Variants in SLC14A2 observed in about 807,000 individuals in gnomAD.
SLC14A2 encodes solute carrier family 14 member 2, also known as urea transporter 2.
In SLC14A2, 91 loss-of-function variants were observed where a neutral mutation model predicts 104.6. The observed-to-expected ratio is 0.87, with a 90% CI of 0.73 to 1.04. The LOEUF (loss-of-function observed/expected upper bound fraction) is 1.04. Among genes scored for constraint, SLC14A2 ranks in the 50% least tolerant of loss-of-function variants. The probability of loss-of-function intolerance (pLI) is 0.00; values close to 1 mark genes in which losing one functional copy is unlikely to be tolerated. For synonymous variants in SLC14A2, 476 were observed against 466.4 expected (o/e 1.02, Z -0.27); for missense variants, 1,189 against 1,156.0 (o/e 1.03, Z -0.41).
intron 1 of SLC14A2, among the ~76,000 whole-genome samples, chr18:45,237,703 C>T (rs1264936649): frequency 6.6e-6 from 1 of 152,180 alleles, no homozygotes; most frequent in African/African-American, 2.4e-5. Flanking sequence ...TTCTGAAATG[C>T]TGAGAACTCT....
the SLC14A2 span, among the ~76,000 whole-genome samples, chr18:45,205,746 C>T: frequency 6.6e-6 from 1 of 152,160 alleles, no homozygotes; most frequent in Non-Finnish European, 1.5e-5. Context: ...AGTACAAGGC[C>T]TTACAGAATG....
chr18:45,477,119 A>G (rs1358460327), intron 1 of SLC14A2, among the ~76,000 whole-genome samples: 6 of 152,004 alleles, frequency 3.9e-5, no homozygotes. Flanking sequence ...TCATGGATTT[A>G]TCTACTTTTG....
At chr18:45,564,404 T>TGC (rs2044240651) in intron 2 of SLC14A2, among the ~76,000 whole-genome samples, 1 of 152,212 alleles carries the variant, frequency 6.6e-6, no homozygotes, top group Admixed American at 6.5e-5. Flanking sequence ...TGCATCCCTT[T>TGC]CATGGCACAA....
At chr18:45,245,114 C>A (rs953094968) in intron 1 of SLC14A2, among the ~76,000 whole-genome samples, 2 of 152,196 alleles carry the variant, frequency 1.3e-5, no homozygotes, top group Non-Finnish European at 2.9e-5. Context: ...CCATCCTAAC[C>A]TTTTCCTGCA....
intron 2 of SLC14A2, among the ~76,000 whole-genome samples, chr18:45,502,663 G>A (rs1048056473): frequency 1.1e-4 from 17 of 152,166 alleles, no homozygotes; most frequent in Admixed American, 3.3e-4. Context: ...GCAATCACTG[G>A]GAATAGTAAG....
chr18:45,312,571 G>A (rs1771520218), intron 1 of SLC14A2, among the ~76,000 whole-genome samples: 1 of 152,116 alleles, frequency 6.6e-6, no homozygotes, highest in South Asian at 2.1e-4. Context: ...GGGGGAAAAT[G>A]TGGATCAGAA....
chr18:45,420,996 C>T (rs1279276315), intron 1 of SLC14A2, among the ~76,000 whole-genome samples: 1 of 152,098 alleles, frequency 6.6e-6, no homozygotes, highest in Non-Finnish European at 1.5e-5. Context: ...ACCTCAGCCT[C>T]CCAAAGTGCT....
intron 1 of SLC14A2, among the ~76,000 whole-genome samples, chr18:45,401,469 G>A (rs1450062262): frequency 6.6e-6 from 1 of 152,168 alleles, no homozygotes; most frequent in Non-Finnish European, 1.5e-5. Context: ...GATTAAGAAT[G>A]CCACAGCCAT....
chr18:45,373,419 C>G (rs1225300563), intron 1 of SLC14A2, among the ~76,000 whole-genome samples: 1 of 152,134 alleles, frequency 6.6e-6, no homozygotes, highest in African/African-American at 2.4e-5. Context: ...AGTTATTGCC[C>G]CAGATACCTT....
At chr18:45,549,154 GACC>G (rs2044017178) in intron 2 of SLC14A2, among the ~76,000 whole-genome samples, 1 of 152,240 alleles carries the variant, frequency 6.6e-6, no homozygotes, top group Admixed American at 6.5e-5. Flanking sequence ...CTGGCAATGT[GACC>G]ACAAGGGGCC....
At chr18:45,387,457 G>T (rs1027351807) in intron 1 of SLC14A2, among the ~76,000 whole-genome samples, 1 of 152,112 alleles carries the variant, frequency 6.6e-6, no homozygotes, top group Non-Finnish European at 1.5e-5. Flanking sequence ...GGAAAGCAAG[G>T]GCAGTCTCTA....
At chr18:45,341,318 T>C (rs1282473809) in intron 1 of SLC14A2, among the ~76,000 whole-genome samples, 2 of 152,222 alleles carry the variant, frequency 1.3e-5, no homozygotes, top group African/African-American at 4.8e-5. Context: ...TATTTGCCAG[T>C]TCCATATTTG....
At chr18:45,348,679 A>G (rs1027761161) in intron 1 of SLC14A2, among the ~76,000 whole-genome samples, 5 of 152,256 alleles carry the variant, frequency 3.3e-5, no homozygotes, top group African/African-American at 4.8e-5. Flanking sequence ...TGTACGTGCC[A>G]TATCCAATCT....
At chr18:45,243,086 T>C (rs941170335) in intron 1 of SLC14A2, among the ~76,000 whole-genome samples, 5 of 152,254 alleles carry the variant, frequency 3.3e-5, no homozygotes, top group Non-Finnish European at 7.3e-5. Flanking sequence ...TTTGGCCTTT[T>C]GGGCCTTGGC....
At chr18:45,177,605 T>G in the SLC14A2 span, among the ~76,000 whole-genome samples, 4 of 152,140 alleles carry the variant, frequency 2.6e-5, no homozygotes, top group Non-Finnish European at 4.4e-5. Context: ...ACCCTTCAAT[T>G]ATCAGATTAA....
intron 10 of SLC14A2, among the ~76,000 whole-genome samples, chr18:45,655,686 A>G (rs1014887711): frequency 4.6e-5 from 7 of 152,242 alleles, no homozygotes; most frequent in African/African-American, 1.7e-4. Flanking sequence ...GTGGAGAAAG[A>G]GAGTATGAAA....
intron 2 of SLC14A2, among the ~76,000 whole-genome samples, chr18:45,549,803 A>C (rs1006120933): frequency 2.0e-5 from 3 of 152,258 alleles, no homozygotes. Flanking sequence ...GTATGGTTAT[A>C]CTATGAGCCT....
At chr18:45,679,353 C>A (rs987551901) in intron 19 of SLC14A2, among the ~76,000 whole-genome samples, 2 of 152,194 alleles carry the variant, frequency 1.3e-5, no homozygotes, top group African/African-American at 4.8e-5. Flanking sequence ...TTTGTGTGTG[C>A]CTGCCTAGCT....
chr18:45,192,631 T>A, the SLC14A2 span, among the ~76,000 whole-genome samples: 2 of 105,744 alleles, frequency 1.9e-5, no homozygotes, highest in Non-Finnish European at 4.0e-5. Flanking sequence ...TGTGTGTGTG[T>A]GTGTGGTTTT....
Sources: allele counts gnomAD v4.1 joint callset (sites outside exome capture counted in the v4.1 genomes callset), GRCh38; gene constraint gnomAD v4.1.1; transcripts MANE v1.5; gene names NCBI Gene and HGNC (gene_info 2026-07-23, HGNC 2026-07-21).